CNTN5: variants seen among roughly 807,000 people sequenced by gnomAD.
CNTN5 encodes contactin-5.
In CNTN5, 77 loss-of-function variants were observed where a neutral mutation model predicts 129.1. The observed-to-expected ratio is 0.60, with a 90% CI of 0.50 to 0.72. The LOEUF is 0.72. Ranked by LOEUF, CNTN5 falls within the 30% of genes least tolerant of loss-of-function variation. The probability of loss-of-function intolerance (pLI) is 0.00; values close to 1 mark genes in which losing one functional copy is unlikely to be tolerated. For synonymous variants in CNTN5, 509 were observed against 465.6 expected (o/e 1.09, Z -1.20); for missense variants, 1,478 against 1,328.8 (o/e 1.11, Z -1.75).
chr11:100,305,795 C>T (rs1178661220), intron 20 of CNTN5, among the ~76,000 whole-genome samples: 1 of 151,498 alleles, frequency 6.6e-6, no homozygotes, highest in African/African-American at 2.4e-5. Flanking sequence ...ACTATTTTTA[C>T]ATGCTGAAAT....
At chr11:99,322,810 T>C (rs1418982649) in intron 1 of CNTN5, among the ~76,000 whole-genome samples, 1 of 151,972 alleles carries the variant, frequency 6.6e-6, no homozygotes, top group African/African-American at 2.4e-5. Flanking sequence ...AAAAAGAAAA[T>C]AAGAATATCA....
intron 21 of CNTN5, among the ~76,000 whole-genome samples, chr11:100,331,171 CA>C (rs1246163515): frequency 6.6e-6 from 1 of 152,018 alleles, no homozygotes; most frequent in African/African-American, 2.4e-5. Context: ...CAAAAGTGAG[CA>C]GGAGTAGATA....
At chr11:100,002,790 G>T in intron 9 of CNTN5, among the ~76,000 whole-genome samples, 1 of 151,980 alleles carries the variant, frequency 6.6e-6, no homozygotes, top group Admixed American at 6.6e-5. Flanking sequence ...AGGCAGAAGT[G>T]GAATTTTGAT....
intron 1 of CNTN5, among the ~76,000 whole-genome samples, chr11:99,155,265 A>G (rs1860277219): frequency 6.6e-6 from 1 of 152,172 alleles, no homozygotes; most frequent in South Asian, 2.1e-4. Flanking sequence ...AGATTTGCTC[A>G]AAGTGTGCAT....
At chr11:100,168,719 A>G (rs1947730546) in intron 13 of CNTN5, among the ~76,000 whole-genome samples, 1 of 152,018 alleles carries the variant, frequency 6.6e-6, no homozygotes, top group Non-Finnish European at 1.5e-5. Context: ...TGAAGGAGTA[A>G]TTTAATTTTC....
chr11:99,746,143 C>G (rs1467708902), intron 3 of CNTN5, among the ~76,000 whole-genome samples: 4 of 152,190 alleles, frequency 2.6e-5, no homozygotes, highest in Non-Finnish European at 5.9e-5. Context: ...CTAAAAAAAT[C>G]CTTGCCCAAA....
chr11:100,341,298 A>G, intron 23 of CNTN5, 93 bp downstream of exon 23: 1 of 870,352 alleles, frequency 1.1e-6, no homozygotes, highest in Non-Finnish European at 1.9e-6. Flanking sequence ...AGACCCATTA[A>G]CCAACCTATT....
intron 3 of CNTN5, among the ~76,000 whole-genome samples, chr11:99,743,079 A>G (rs897897457): frequency 5.3e-5 from 8 of 152,196 alleles, no homozygotes; most frequent in Admixed American, 4.6e-4. Flanking sequence ...ATGAAGGGAT[A>G]AGAAAAATTC....
chr11:99,236,416 A>G (rs1861264819), intron 1 of CNTN5, among the ~76,000 whole-genome samples: 1 of 151,968 alleles, frequency 6.6e-6, no homozygotes, highest in South Asian at 2.1e-4. Context: ...TTTCAGCTTA[A>G]TTTTAATAAT....
At chr11:99,423,628 C>T (rs1942992623) in intron 2 of CNTN5, among the ~76,000 whole-genome samples, 1 of 152,230 alleles carries the variant, frequency 6.6e-6, no homozygotes, top group South Asian at 2.1e-4. Context: ...CTAGTAATAC[C>T]TACATTAGTG....
chr11:100,255,809 T>C lies in CNTN5; in HGVS notation c.2055T>C (p.Ser685=). 6.2e-7 allele frequency: 1 copy of C among 1,613,918 alleles called. No individual in the cohort carries two copies. Among genetic ancestry groups the C allele is most frequent in the Non-Finnish European group, 8.5e-7 (1 of 1,179,848 alleles). ...TAATTGTTGAGGAAATAACCGAAAG[T>C]ACGGCCACACTGTCCTGGAGCCCAG... The part of the protein sequence containing the change: ...GIVIVEEITE[S]TATLSWSPAA... Residue 685 remains serine (S), a synonymous_variant, in exon 17 of 25, where the codon AGT becomes AGC. Transcript: ENST00000524871.
In CNTN5 at chr11:99,636,699, A is replaced by G. The variant is rs889940197; in HGVS notation, c.55+80430A>G. Among the ~76,000 whole-genome samples, 3 of 152,068 alleles carry G rather than the reference A, an allele frequency of 2.0e-5. No individual in the cohort carries two copies. The South Asian group carries it at 6.2e-4, about 32-fold the overall frequency. ...TCTTCATGTAGCTGTATTTTCCAGCATAGTAACCTGTTAGGTTAAAAAGTA... is the reference window on the plus strand; with the variant it reads ...TCTTCATGTAGCTGTATTTTCCAGCGTAGTAACCTGTTAGGTTAAAAAGTA... On this transcript the variant is annotated intron_variant, in intron 3 of 24. Transcript: ENST00000524871.
chr11:99,249,483 A>C (rs1407035520), intron 1 of CNTN5, among the ~76,000 whole-genome samples: 1 of 152,010 alleles, frequency 6.6e-6, no homozygotes, highest in Non-Finnish European at 1.5e-5. Flanking sequence ...CCATTGAACA[A>C]ATTAATGTAT....
At chr11:99,243,030 C>G (rs1452112336) in intron 1 of CNTN5, among the ~76,000 whole-genome samples, 2 of 152,084 alleles carry the variant, frequency 1.3e-5, no homozygotes, top group Non-Finnish European at 2.9e-5. Flanking sequence ...AATGGTAGTT[C>G]TCTTTTTAGT....
chr11:99,948,017 T>C (rs979873314), intron 7 of CNTN5, among the ~76,000 whole-genome samples: 10 of 152,196 alleles, frequency 6.6e-5, no homozygotes, highest in Admixed American at 6.5e-5. Flanking sequence ...TTTTACTAAG[T>C]AAAACACAGG....
chr11:99,181,313 T>C (rs1053443455), intron 1 of CNTN5, among the ~76,000 whole-genome samples: 1 of 152,198 alleles, frequency 6.6e-6, no homozygotes, highest in Non-Finnish European at 1.5e-5. Flanking sequence ...TATAATTGTA[T>C]TGCTGTCATG....
At chr11:100,122,305 A>T (rs1404060162) in intron 13 of CNTN5, among the ~76,000 whole-genome samples, 1 of 152,028 alleles carries the variant, frequency 6.6e-6, no homozygotes. Context: ...ATGTCTTCCA[A>T]GTTCAGCAGA....
chr11:100,331,874 A>C (rs1951914112), intron 21 of CNTN5, among the ~76,000 whole-genome samples: 2 of 152,146 alleles, frequency 1.3e-5, no homozygotes, highest in Non-Finnish European at 1.5e-5. Flanking sequence ...AAATGACTAG[A>C]TTAAAAAGTC....
At chr11:99,848,767 T>G (rs1197313112) in intron 6 of CNTN5, among the ~76,000 whole-genome samples, 1 of 152,150 alleles carries the variant, frequency 6.6e-6, no homozygotes, top group Non-Finnish European at 1.5e-5. Context: ...TAGATTATTT[T>G]TATGCTGGGC....
Sources: allele counts gnomAD v4.1 joint callset (sites outside exome capture counted in the v4.1 genomes callset), GRCh38; gene constraint gnomAD v4.1.1; transcripts MANE v1.5; gene names NCBI Gene and HGNC (gene_info 2026-07-23, HGNC 2026-07-21).